Variants in DLGAP1 observed in about 807,000 individuals in gnomAD.
DLGAP1 encodes DLG associated protein 1.
A neutral mutation model predicts 90.8 loss-of-function variants in DLGAP1; 11 were observed. The observed-to-expected ratio is 0.12, with a 90% CI of 0.08 to 0.20. The LOEUF is 0.20. Among genes scored for constraint, DLGAP1 ranks in the 10% least tolerant of loss-of-function variants. DLGAP1 has a pLI of 1.00. For missense variants in DLGAP1, 1,050 were observed against 1,333.8 expected (o/e 0.79, Z 3.31); for synonymous variants, 558 against 540.7 (o/e 1.03, Z -0.44).
chr18:3,810,954 C>T (rs775171637), intron 5 of DLGAP1, among the ~76,000 whole-genome samples: 10 of 151,982 alleles, frequency 6.6e-5, no homozygotes, highest in Admixed American at 1.3e-4. Context: ...TACAGGTGCA[C>T]GCCGCCACAC....
Position 4,304,074 on chromosome 18 carries a change from T to G in DLGAP1, c.-267+150932A>C, listed in dbSNP as rs374669067. ...CTTGTGGATGCATGGTAGCAGTTGT[T>G]GATCTTGGCATGTACATTTTTTAGT... On this transcript the variant is annotated intron_variant, in intron 1 of 12. Transcript: ENST00000315677. 1.5e-4 allele frequency among the ~76,000 whole-genome samples: 23 copies of G among 152,376 alleles called. No homozygotes were observed. In the East Asian group the frequency reaches 3.9e-3, roughly 26 times the overall value.
intron 1 of DLGAP1, among the ~76,000 whole-genome samples, chr18:4,193,812 A>T (rs930061097): frequency 6.6e-6 from 1 of 152,166 alleles, no homozygotes; most frequent in Admixed American, 6.5e-5. Flanking sequence ...TGTTTTGAAT[A>T]TATTTTCAAT....
chr18:3,636,348 A>T (rs1408355351), intron 7 of DLGAP1, among the ~76,000 whole-genome samples: 2 of 151,592 alleles, frequency 1.3e-5, no homozygotes, highest in Non-Finnish European at 2.9e-5. Flanking sequence ...ACTATTTCTG[A>T]GTCCAGACCC....
At chr18:3,778,559 G>T (rs1020126390) in intron 5 of DLGAP1, among the ~76,000 whole-genome samples, 21 of 152,136 alleles carry the variant, frequency 1.4e-4, no homozygotes, top group African/African-American at 4.8e-4. Context: ...GGCTGTATAG[G>T]CAGGTTTTTC....
intron 10 of DLGAP1, among the ~76,000 whole-genome samples, chr18:3,531,854 TTTC>T (rs2052027477): frequency 6.6e-6 from 1 of 152,030 alleles, no homozygotes; most frequent in Non-Finnish European, 1.5e-5. Flanking sequence ...TGCCTTGGAT[TTTC>T]TTTTTTTCTT....
chr18:3,594,787 G>T (rs183522169), intron 7 of DLGAP1, among the ~76,000 whole-genome samples: 33 of 152,322 alleles, frequency 2.2e-4, no homozygotes, highest in Non-Finnish European at 5.9e-5. Flanking sequence ...TAGGGTGGAT[G>T]GCAGTGAGGA....
intron 12 of DLGAP1, chr18:3,502,022 G>C: frequency 2.8e-6 from 1 of 351,252 alleles, no homozygotes; most frequent in Non-Finnish European, 3.9e-6. Flanking sequence ...TTTTAGACTT[G>C]AACAACAGTA....
At chr18:3,631,498 T>G (rs374793361) in intron 7 of DLGAP1, among the ~76,000 whole-genome samples, 2 of 152,300 alleles carry the variant, frequency 1.3e-5, no homozygotes, top group South Asian at 4.1e-4. Flanking sequence ...CTGTAATCTT[T>G]GCACTTTGGG....
At chr18:3,509,601 T>C (rs924187269) in intron 10 of DLGAP1, among the ~76,000 whole-genome samples, 1 of 152,198 alleles carries the variant, frequency 6.6e-6, no homozygotes, top group African/African-American at 2.4e-5. Context: ...GCAGGAGAAC[T>C]TCTCACAAGA....
chr18:3,982,595 G>C (rs568384928), intron 3 of DLGAP1, among the ~76,000 whole-genome samples: 1 of 152,258 alleles, frequency 6.6e-6, no homozygotes, highest in African/African-American at 2.4e-5. Flanking sequence ...GGGATAGCCT[G>C]TGATCAGTTC....
At chr18:4,176,112 G>A (rs1448890378) in intron 1 of DLGAP1, among the ~76,000 whole-genome samples, 1 of 152,114 alleles carries the variant, frequency 6.6e-6, no homozygotes, top group Non-Finnish European at 1.5e-5. Flanking sequence ...TTGAGCAGTT[G>A]TTTATAGTTC....
At chr18:4,198,414 C>T (rs1339945197) in intron 1 of DLGAP1, among the ~76,000 whole-genome samples, 1 of 152,080 alleles carries the variant, frequency 6.6e-6, no homozygotes, top group Non-Finnish European at 1.5e-5. Flanking sequence ...GCCATGATAA[C>T]TTGTGTTTCT....
At chr18:4,163,363 A>C (rs1851248) in intron 1 of DLGAP1, among the ~76,000 whole-genome samples, 44,892 of 152,066 alleles carry the variant, frequency 0.3, 7,029 homozygotes, top group East Asian at 0.43. Context: ...GTAGTTGAAC[A>C]ACGTTGTATA....
intron 1 of DLGAP1, among the ~76,000 whole-genome samples, chr18:4,438,581 C>T (rs1244065098): frequency 6.6e-6 from 1 of 151,814 alleles, no homozygotes; most frequent in Non-Finnish European, 1.5e-5. Context: ...TTCTTCATCA[C>T]TTTTATTAAC....
intron 7 of DLGAP1, chr18:3,597,388 C>T (rs573937439): frequency 2.6e-6 from 1 of 379,694 alleles, no homozygotes; most frequent in Middle Eastern, 7.0e-4. Flanking sequence ...GACTCTGAGA[C>T]TGTGGGGTAG....
intron 1 of DLGAP1, among the ~76,000 whole-genome samples, chr18:4,189,774 T>A (rs539699019): frequency 5.3e-5 from 8 of 152,076 alleles, no homozygotes; most frequent in African/African-American, 1.9e-4. Flanking sequence ...AATACATCAA[T>A]AGAACAGAAT....
chr18:3,516,059 G>A (rs2050827445), intron 10 of DLGAP1, among the ~76,000 whole-genome samples: 1 of 152,024 alleles, frequency 6.6e-6, no homozygotes. Flanking sequence ...TACCACATCT[G>A]CAGTTTCTTC....
In DLGAP1 at chr18:3,664,183, T is replaced by TACACACACACACACACAC. The variant is rs35653599; in HGVS notation, c.1591+64934_1591+64951dup. Among the ~76,000 whole-genome samples the TACACACACACACACACAC allele has an allele frequency of 1.7e-4, 23 of 135,742 alleles. No individual in the cohort carries two copies. In the East Asian group the frequency reaches 4.5e-3, roughly 26 times the overall value. The allele number at this position is 135,742 out of a possible 152,430, so 89.1% of individuals were successfully genotyped here. A position where few individuals can be genotyped will look rare whatever the true frequency, so the allele number is the denominator to read the frequency against. On this transcript the variant is annotated intron_variant, in intron 7 of 12. Transcript: ENST00000315677. ...CAGCCTCCATAATTATGGGTCAGTA[T>TACACACACACACACACAC]ACACACACACACACACACACACACA... is the stretch of plus-strand genomic sequence containing the variant.
chr18:3,814,901 C>T (rs768800171), intron 4 of DLGAP1, among the ~76,000 whole-genome samples: 3 of 152,152 alleles, frequency 2.0e-5, no homozygotes, highest in African/African-American at 4.8e-5. Flanking sequence ...AAACTTTAGA[C>T]ATTAACCTTT....
Sources: allele counts gnomAD v4.1 joint callset (sites outside exome capture counted in the v4.1 genomes callset), GRCh38; gene constraint gnomAD v4.1.1; transcripts MANE v1.5; gene names NCBI Gene and HGNC (gene_info 2026-07-23, HGNC 2026-07-21).